BCO1: variants seen among roughly 807,000 people sequenced by gnomAD.
BCO1 encodes the protein beta,beta-carotene 15,15'-dioxygenase.
Under a neutral mutation model 56.3 loss-of-function variants are expected in BCO1, and 54 were observed. That is an observed-to-expected ratio of 0.96 (90% CI 0.77 to 1.20). BCO1 has a LOEUF of 1.20. BCO1 is among the 50% of genes most tolerant of loss of function. BCO1 has a pLI of 0.00. For synonymous variants in BCO1, 318 were observed against 266.1 expected (o/e 1.20, Z -1.90); for missense variants, 801 against 690.9 (o/e 1.16, Z -1.79).
intron 8 of BCO1, among the ~76,000 whole-genome samples, chr16:81,285,038 C>A (rs1908097144): frequency 6.6e-6 from 1 of 151,824 alleles, no homozygotes; most frequent in South Asian, 2.1e-4. Flanking sequence ...GAGGGTTTTG[C>A]CATGTTGGCC....
intron 1 of BCO1, among the ~76,000 whole-genome samples, chr16:81,240,704 AAAAT>A (rs1403818429): frequency 6.6e-6 from 1 of 152,096 alleles, no homozygotes; most frequent in Admixed American, 6.6e-5. Context: ...CCCTGTCTCA[AAAAT>A]AAATAAATAA....
intron 2 of BCO1, among the ~76,000 whole-genome samples, chr16:81,257,828 C>T (rs1906238712): frequency 6.8e-6 from 1 of 146,290 alleles, no homozygotes; most frequent in Non-Finnish European, 1.5e-5. Context: ...TGCAGTGAGC[C>T]AAGATTCCAC....
intron 1 of BCO1, among the ~76,000 whole-genome samples, chr16:81,242,790 G>A (rs554500973): frequency 5.3e-5 from 8 of 152,162 alleles, no homozygotes; most frequent in South Asian, 2.1e-4. Context: ...GTTAGGAACC[G>A]GGCCGCACAG....
intron 8 of BCO1, among the ~76,000 whole-genome samples, chr16:81,283,301 G>A (rs545385610): frequency 9.9e-5 from 15 of 151,938 alleles, no homozygotes; most frequent in East Asian, 9.7e-4. Context: ...CTGGCCAGGC[G>A]CAATGGCAAT....
chr16:81,249,447 G>A (rs1314479203), intron 2 of BCO1, among the ~76,000 whole-genome samples: 1 of 152,096 alleles, frequency 6.6e-6, no homozygotes, highest in Non-Finnish European at 1.5e-5. Context: ...TAGTAGAGAC[G>A]GGGTTTCACC....
At chr16:81,265,487 C>A in intron 5 of BCO1, among the ~76,000 whole-genome samples, 1 of 139,288 alleles carries the variant, frequency 7.2e-6, no homozygotes. Flanking sequence ...ACCCACCCGC[C>A]CACCCATCAT....
intron 4 of BCO1, chr16:81,263,629 G>A (rs997607789): frequency 6.6e-6 from 1 of 152,172 alleles, no homozygotes; most frequent in African/African-American, 2.4e-5. Context: ...AATGACTGTT[G>A]AAATGCCTGC....
chr16:81,291,019 G>C lies in BCO1; in HGVS notation c.*442G>C. The C allele has an allele frequency of 6.0e-6, 1 of 167,812 alleles. No individual in the cohort carries two copies. Among genetic ancestry groups the C allele is most frequent in the Non-Finnish European group, 1.3e-5 (1 of 76,576 alleles). 10.4% of individuals were successfully genotyped at this position (167,812 alleles called of 1,614,324 possible). A position where few individuals can be genotyped will look rare whatever the true frequency, so the allele number is the denominator to read the frequency against. On this transcript the variant is annotated 3_prime_UTR_variant, in exon 11 of 11. Transcript: ENST00000258168. ...TTCTGGTGGACTAAATTGTGTATCT[G>C]GGAGTTCTCACTTTCTAGCCAGGCC... is the stretch of plus-strand genomic sequence containing the variant.
intron 2 of BCO1, among the ~76,000 whole-genome samples, chr16:81,250,056 G>A (rs1299698878): frequency 1.3e-5 from 2 of 152,112 alleles, no homozygotes; most frequent in African/African-American, 4.8e-5. Context: ...CTACAAAGAG[G>A]GTTTGCTGGG....
In BCO1 at chr16:81,260,295, G is replaced by T. The variant is rs1221766528; in HGVS notation, c.323+490G>T. On this transcript the variant is annotated intron_variant, in intron 3 of 10. Transcript: ENST00000258168. ...TTGCACTCTACAGAAGCTTTTCCAAGATAGACTAAGTGGAAAAAAAAAAAA... is the reference window on the plus strand; with the variant it reads ...TTGCACTCTACAGAAGCTTTTCCAATATAGACTAAGTGGAAAAAAAAAAAA... Among the ~76,000 whole-genome samples, 4 of 138,178 alleles carry T rather than the reference G, an allele frequency of 2.9e-5. No individual in the cohort carries two copies. In the Admixed American group the frequency reaches 3.0e-4, roughly 10 times the overall value. The allele number at this position is 138,178 out of a possible 152,430, so 90.7% of individuals were successfully genotyped here.
At chr16:81,255,134 G>T (rs762549392) in intron 2 of BCO1, among the ~76,000 whole-genome samples, 1 of 152,144 alleles carries the variant, frequency 6.6e-6, no homozygotes, top group Non-Finnish European at 1.5e-5. Flanking sequence ...GCTCCCCTTT[G>T]TGAAACCTCA....
chr16:81,248,327 C>T (rs1047311126), intron 2 of BCO1, among the ~76,000 whole-genome samples: 6 of 140,258 alleles, frequency 4.3e-5, no homozygotes, highest in South Asian at 2.3e-4. Context: ...CGCTTGAACT[C>T]GGGAGGCAGC....
At chr16:81,257,437 G>A (rs1377059932) in intron 2 of BCO1, among the ~76,000 whole-genome samples, 1 of 151,446 alleles carries the variant, frequency 6.6e-6, no homozygotes, top group Non-Finnish European at 1.5e-5. Context: ...GCTAATTTTT[G>A]CATTTTTAGT....
chr16:81,278,952 C>G (rs988462891), intron 7 of BCO1, among the ~76,000 whole-genome samples: 4 of 151,534 alleles, frequency 2.6e-5, no homozygotes, highest in African/African-American at 9.8e-5. Context: ...AAAAATGCTG[C>G]TATCCCTAAA....
intron 10 of BCO1, among the ~76,000 whole-genome samples, chr16:81,288,258 G>A (rs1908293689): frequency 6.6e-6 from 1 of 152,114 alleles, no homozygotes; most frequent in South Asian, 2.1e-4. Flanking sequence ...TGCAGTGGCT[G>A]GATCCCAAAC....
chr16:81,244,054 G>A (rs1905257740), intron 1 of BCO1, among the ~76,000 whole-genome samples: 1 of 152,222 alleles, frequency 6.6e-6, no homozygotes, highest in South Asian at 2.1e-4. Flanking sequence ...AGCTTCCAGG[G>A]GCATTACCTA....
Position 81,238,939 on chromosome 16 carries a change from G to C in BCO1, c.31G>C (p.Glu11Gln). Reference sequence around the variant, plus strand: ...TATAATATTTGGCAGGAATAGGAAAGAACAGCTGGAGCCTGTGAGGGCCAA... The same window carrying C: ...TATAATATTTGGCAGGAATAGGAAACAACAGCTGGAGCCTGTGAGGGCCAA... MDIIFGRNRK[E>Q]QLEPVRAKVT... Residue 11 changes from glutamate (E) to glutamine (Q), a missense_variant, in exon 1 of 11, where the codon GAA (glutamate) becomes CAA (glutamine). Glu to Gln is a conservative substitution (Grantham distance 29). Coordinates refer to ENST00000258168, the MANE Select transcript of BCO1 (RefSeq NM_017429.3). 6.2e-7 allele frequency: 1 copy of C among 1,614,082 alleles called. No individual in the cohort carries two copies. The highest frequency in any genetic ancestry group is 1.7e-4 in the Middle Eastern group (1 of 6,060).
chr16:81,241,608 T>A (rs1210214089), intron 1 of BCO1, among the ~76,000 whole-genome samples: 2 of 152,166 alleles, frequency 1.3e-5, no homozygotes, highest in Non-Finnish European at 2.9e-5. Flanking sequence ...AAGCTGTGTG[T>A]TCACAAGCCC....
At chr16:81,261,209 C>T (rs998732447) in intron 3 of BCO1, among the ~76,000 whole-genome samples, 1 of 152,256 alleles carries the variant, frequency 6.6e-6, no homozygotes, top group Admixed American at 6.5e-5. Context: ...GGTCCTGGAA[C>T]CAAGCCTCCT....
Sources: gnomAD v4.1 joint callset for allele counts (sites outside exome capture counted in the v4.1 genomes callset) on GRCh38, gnomAD v4.1.1 for gene constraint, MANE v1.5 for transcripts, NCBI Gene and HGNC (gene_info 2026-07-23, HGNC 2026-07-21) for gene names.